Variants in SPG11 observed in about 807,000 individuals in gnomAD.
SPG11 encodes the protein spatacsin.
In SPG11, 222 loss-of-function variants were observed where a neutral mutation model predicts 274.0. That is an observed-to-expected ratio of 0.81 (90% CI 0.73 to 0.91). The LOEUF (loss-of-function observed/expected upper bound fraction) is 0.91. SPG11 is among the 40% of genes least tolerant of loss of function. The probability of loss-of-function intolerance (pLI) is 0.00; values close to 1 mark genes in which losing one functional copy is unlikely to be tolerated. For synonymous variants in SPG11, 1,144 were observed against 1,039.7 expected (o/e 1.10, Z -1.93); for missense variants, 3,114 against 2,872.7 (o/e 1.08, Z -1.92).
chr15:44,575,328 A>G (rs770502483), intron 30 of SPG11: 8 of 384,872 alleles, frequency 2.1e-5, no homozygotes, highest in East Asian at 2.0e-4. Flanking sequence ...AGTCTTCTCT[A>G]TATGTCCTCC....
At chr15:44,575,151 T>TA in intron 30 of SPG11, 110 bp from the exon 31 acceptor site, 1 of 1,367,948 alleles carries the variant, frequency 7.3e-7, no homozygotes, top group Non-Finnish European at 1.0e-6. Flanking sequence ...GCACTCCCAT[T>TA]ACTCTGACTG....
chr15:44,600,027 T>C (rs73417597), intron 21 of SPG11, among the ~76,000 whole-genome samples: 15,448 of 152,212 alleles, frequency 0.1, 2,037 homozygotes, highest in African/African-American at 0.29. Context: ...CCTCTTTAAC[T>C]GCTAATATTT....
chr15:44,621,867 A>G lies in SPG11; in HGVS notation c.2512T>C (p.Cys838Arg). The G allele has an allele frequency of 6.2e-7, 1 of 1,613,942 alleles. No homozygotes were observed. The highest frequency in any genetic ancestry group is 8.5e-7 in the Non-Finnish European group (1 of 1,179,902). Residue 838 changes from cysteine to arginine, a missense_variant, in exon 14 of 40, where the codon TGT becomes CGT. Physicochemically the swap from Cys to Arg is radical, Grantham distance 180. Transcript: ENST00000261866. ...TCCTGTTTGTTAAATTCATCTTTACAATCATATTTCAGGAATGAGTCCAAA... is the reference window on the plus strand; with the variant it reads ...TCCTGTTTGTTAAATTCATCTTTACGATCATATTTCAGGAATGAGTCCAAA... The part of the protein sequence containing the change: ...SVLDSFLKYD[C>R]KDEFNKQDHR...
At position 44,564,560 on chromosome 15, in the gene SPG11, C is replaced by T; in HGVS notation, c.7138G>A (p.Glu2380Lys). 1 of 1,613,950 alleles carries T rather than the reference C, an allele frequency of 6.2e-7. No homozygotes were observed. The highest frequency in any genetic ancestry group is 8.5e-7 in the Non-Finnish European group (1 of 1,179,938). ...TTTAATACTTACTTTTTGGAAATCT[C>T]TTCAAATATACTGGACTTTAATAAC... ...QRLLKSSIFE[E>K]ISKKYKQHQP... The change falls in exon 39 of 40, where the codon GAG (glutamate) becomes AAG (lysine). Residue 2380 changes from glutamate (E) to lysine (K), a missense_variant. Glu to Lys is a moderately conservative substitution (Grantham distance 56, BLOSUM62 1). Coordinates refer to ENST00000261866, the MANE Select transcript of SPG11 (RefSeq NM_025137.4).
chr15:44,578,492 A>C (rs879255792), intron 30 of SPG11, among the ~76,000 whole-genome samples: 3 of 151,130 alleles, frequency 2.0e-5, no homozygotes, highest in Non-Finnish European at 4.4e-5. Flanking sequence ...CTTTTGGCCA[A>C]ATAACTGAAA....
chr15:44,571,488 TTTC>T (rs901988495), intron 33 of SPG11, among the ~76,000 whole-genome samples: 4 of 150,164 alleles, frequency 2.7e-5, no homozygotes, highest in Admixed American at 6.6e-5. Flanking sequence ...TTTATTTAAA[TTTC>T]TTTTCTTTTT....
chr15:44,615,293 C>A, intron 16 of SPG11, 70 bp downstream of exon 16: 2 of 1,447,470 alleles, frequency 1.4e-6, no homozygotes, highest in East Asian at 4.5e-5. Context: ...CTAAAAGTCA[C>A]ATTCAGGAGT....
chr15:44,580,593 A>G (rs1017874571), intron 30 of SPG11, among the ~76,000 whole-genome samples: 2 of 152,252 alleles, frequency 1.3e-5, no homozygotes, highest in African/African-American at 4.8e-5. Flanking sequence ...CCTGGCCAAC[A>G]TGGTGAAACC....
intron 1 of SPG11, 76 bp downstream of exon 1, chr15:44,663,315 G>A: frequency 6.5e-7 from 1 of 1,539,400 alleles, no homozygotes; most frequent in Non-Finnish European, 8.8e-7. Context: ...AGGCCTCGGC[G>A]TGAGCCCTTG....
intron 7 of SPG11, among the ~76,000 whole-genome samples, chr15:44,640,205 G>A (rs890647176): frequency 2.6e-5 from 4 of 151,948 alleles, no homozygotes; most frequent in Non-Finnish European, 2.9e-5. Context: ...GTGAGACTCC[G>A]TCTCAAAAAA....
chr15:44,636,938 A>ACAAAAAAAAAAAAAAAAAAC (rs1215995730), intron 7 of SPG11, among the ~76,000 whole-genome samples: 1 of 113,072 alleles, frequency 8.8e-6, no homozygotes, highest in Non-Finnish European at 1.8e-5. Context: ...AAAAAAAAAA[A>ACAAAAAAAAAAAAAAAAAAC]AAAAAAAAAA....
intron 15 of SPG11, among the ~76,000 whole-genome samples, chr15:44,619,729 T>C (rs1179351210): frequency 2.0e-5 from 3 of 151,662 alleles, no homozygotes; most frequent in Non-Finnish European, 4.4e-5. Context: ...TGATTTTTTT[T>C]TTTTTTTTTT....
chr15:44,608,350 C>T (rs1411663063), intron 19 of SPG11, 94 bp downstream of exon 19: 1 of 1,364,992 alleles, frequency 7.3e-7, no homozygotes, highest in Non-Finnish European at 1.0e-6. Context: ...TAATTCCCTA[C>T]ATTAAATGCC....
Position 44,646,599 on chromosome 15 carries a change from G to A in SPG11, c.1602+2267C>T, listed in dbSNP as rs1194957896. 3.9e-5 allele frequency among the ~76,000 whole-genome samples: 6 copies of A among 152,052 alleles called. No homozygotes were observed. The East Asian group carries it at 1.2e-3, about 29-fold the overall frequency. On this transcript the variant is annotated intron_variant, in intron 7 of 39. Coordinates refer to ENST00000261866, the MANE Select transcript of SPG11 (RefSeq NM_025137.4). The stretch of plus-strand genomic sequence containing the variant: ...GACACAGAGCCAAACCATATCAACT[G>A]GATAAAGAATTTGTGATTCATATAC...
intron 20 of SPG11, 116 bp from the exon 21 acceptor site, chr15:44,600,748 C>T (rs751722422): frequency 2.3e-5 from 26 of 1,124,682 alleles, no homozygotes; most frequent in South Asian, 3.9e-5. Flanking sequence ...TGCATCACTA[C>T]GTATCACTTT....
At chr15:44,569,111 G>A (rs908468597) in intron 35 of SPG11, among the ~76,000 whole-genome samples, 3 of 148,974 alleles carry the variant, frequency 2.0e-5, no homozygotes, top group African/African-American at 5.0e-5. Flanking sequence ...CGGATGTTGC[G>A]CCGAGATCAC....
intron 7 of SPG11, among the ~76,000 whole-genome samples, chr15:44,647,446 A>G (rs1023210354): frequency 6.6e-6 from 1 of 152,242 alleles, no homozygotes; most frequent in Non-Finnish European, 1.5e-5. Flanking sequence ...ACATATGTCA[A>G]CACAAAAACT....
chr15:44,636,081 A>C (rs2084241156), intron 7 of SPG11, among the ~76,000 whole-genome samples: 1 of 152,130 alleles, frequency 6.6e-6, no homozygotes, highest in Non-Finnish European at 1.5e-5. Context: ...TCTAATCTAC[A>C]GGTCATGGTG....
intron 3 of SPG11, 63 bp from the exon 4 acceptor site, chr15:44,657,359 G>A: frequency 4.0e-6 from 6 of 1,484,672 alleles, no homozygotes; most frequent in Non-Finnish European, 5.6e-6. Context: ...TTAAAGCACA[G>A]GTTGGGAAAG....
Sources: allele counts gnomAD v4.1 joint callset (sites outside exome capture counted in the v4.1 genomes callset), GRCh38; gene constraint gnomAD v4.1.1; transcripts MANE v1.5; gene names NCBI Gene and HGNC (gene_info 2026-07-23, HGNC 2026-07-21).